Variants in POLN observed in about 807,000 individuals in gnomAD.
POLN encodes DNA polymerase N.
Under a neutral mutation model 113.5 loss-of-function variants are expected in POLN, and 108 were observed. That is an observed-to-expected ratio of 0.95 (90% confidence interval 0.81 to 1.12). The LOEUF (loss-of-function observed/expected upper bound fraction) is 1.12, where lower values mean the gene tolerates loss of function less well. Among genes scored for constraint, POLN ranks in the 50% most tolerant of loss-of-function variants. The probability of loss-of-function intolerance (pLI) is 0.00; values close to 1 mark genes in which losing one functional copy is unlikely to be tolerated. For missense variants in POLN, 1,097 were observed against 1,077.1 expected (o/e 1.02, Z -0.26); for synonymous variants, 386 against 391.5 (o/e 0.99, Z 0.17).
intron 4 of POLN, among the ~76,000 whole-genome samples, chr4:2,209,357 G>A (rs2108764609): frequency 6.6e-6 from 1 of 151,570 alleles, no homozygotes; most frequent in Middle Eastern, 3.4e-3. Flanking sequence ...GAGCATGCCT[G>A]TAATCCCAGC....
Position 2,073,148 on chromosome 4 carries a change from T to C in POLN, c.2456-119A>G, listed in dbSNP as rs1352057434. On this transcript the variant is annotated intron_variant, in intron 24 of 25. Transcript: ENST00000511885. Reference sequence around the variant, plus strand: ...CCGGCCCCTGAGCCCCCTTGTTTCCTGTGTCCACTCGGTCACCTGAACCAG... The same window carrying C: ...CCGGCCCCTGAGCCCCCTTGTTTCCCGTGTCCACTCGGTCACCTGAACCAG... The C allele has an allele frequency of 3.2e-5, 30 of 930,364 alleles. 1 individual carries two copies. The highest frequency in any genetic ancestry group is 4.6e-5 in the Non-Finnish European group (28 of 603,852). 57.6% of individuals were successfully genotyped at this position (930,364 alleles called of 1,614,324 possible).
rs770063265 is a variant in POLN, at chr4:2,075,451, C to T, written c.2455+1G>A. 3 of 1,613,358 alleles carry T rather than the reference C, an allele frequency of 1.9e-6. No homozygotes were observed. The highest frequency in any genetic ancestry group is 2.5e-6 in the Non-Finnish European group (3 of 1,179,986). On this transcript the variant is annotated splice_donor_variant, in intron 24 of 25. Coordinates refer to ENST00000511885, the MANE Select transcript of POLN (RefSeq NM_181808.4). LOFTEE classifies it high-confidence loss of function. ...AGCAACCCTGTGTTGCCCCAGGCTACCTGCACACTCCGGGATCTGCGGATC... is the reference window on the plus strand; with the variant it reads ...AGCAACCCTGTGTTGCCCCAGGCTATCTGCACACTCCGGGATCTGCGGATC...
At chr4:2,229,427 G>C (rs1030874347) in intron 2 of POLN, 184 bp from the exon 3 acceptor site, 21 of 470,248 alleles carry the variant, frequency 4.5e-5, no homozygotes, top group Non-Finnish European at 6.9e-5. Context: ...AAAATAGCTA[G>C]AGGCTTAATC....
intron 5 of POLN, among the ~76,000 whole-genome samples, chr4:2,201,286 A>AAC (rs1733705794): frequency 6.8e-6 from 1 of 147,686 alleles, no homozygotes; most frequent in Non-Finnish European, 1.5e-5. Context: ...CCAAAAAAAA[A>AAC]AAAAAAAAAA....
intron 19 of POLN, among the ~76,000 whole-genome samples, chr4:2,121,825 AT>A (rs777193922): frequency 7.6e-4 from 114 of 150,762 alleles, no homozygotes; most frequent in Non-Finnish European, 1.3e-3. Flanking sequence ...TTGTTTTCCT[AT>A]TGTCAATTTC....
chr4:2,207,332 GAGGAAAGGAAAGGAA>G (rs200338592), intron 5 of POLN, among the ~76,000 whole-genome samples: 1 of 151,016 alleles, frequency 6.6e-6, no homozygotes, highest in Non-Finnish European at 1.5e-5. Context: ...CAGGAAAGTA[GAGGAAAGGAAAGGAA>G]AGGAAAGGAA....
At chr4:2,222,362 G>A (rs554389304) in intron 3 of POLN, among the ~76,000 whole-genome samples, 1 of 152,004 alleles carries the variant, frequency 6.6e-6, no homozygotes, top group African/African-American at 2.4e-5. Context: ...GGGCAGCATG[G>A]TGAAACCCCA....
chr4:2,129,745 GT>G (rs894772305), intron 17 of POLN, among the ~76,000 whole-genome samples: 1 of 151,876 alleles, frequency 6.6e-6, no homozygotes, highest in Admixed American at 6.6e-5. Context: ...TAGGTTTTCT[GT>G]TTTTTTTAAT....
At chr4:2,084,214 T>C (rs1560973100) in intron 21 of POLN, among the ~76,000 whole-genome samples, 1 of 152,256 alleles carries the variant, frequency 6.6e-6, no homozygotes, top group East Asian at 1.9e-4. Flanking sequence ...ACTGGAATCA[T>C]TTTGAAGGAC....
At chr4:2,222,700 T>A (rs1734288911) in intron 3 of POLN, among the ~76,000 whole-genome samples, 1 of 147,698 alleles carries the variant, frequency 6.8e-6, no homozygotes, top group South Asian at 2.1e-4. Context: ...ACGGCCTTTT[T>A]TTTTTTTTTT....
intron 2 of POLN, chr4:2,240,125 A>C: frequency 1.2e-6 from 2 of 1,614,026 alleles, no homozygotes; most frequent in South Asian, 2.2e-5. Context: ...GAATTAACTG[A>C]TGTTGAGCAC....
Position 2,139,169 on chromosome 4 carries a change from G to A in POLN, c.1732-7879C>T, listed in dbSNP as rs537888929. 4.6e-5 allele frequency among the ~76,000 whole-genome samples: 7 copies of A among 152,296 alleles called. No homozygotes were observed. The South Asian group carries it at 1.5e-3, about 32-fold the overall frequency. On this transcript the variant is annotated intron_variant, in intron 16 of 25. Coordinates refer to ENST00000511885, the MANE Select transcript of POLN (RefSeq NM_181808.4). ...AGAGGGGAAGGGCAGAGCCACACTG[G>A]GTCACCAGCAGGGCAGAGTGGGGAG...
intron 16 of POLN, among the ~76,000 whole-genome samples, chr4:2,136,173 A>G (rs1473821086): frequency 1.3e-5 from 2 of 152,226 alleles, no homozygotes; most frequent in East Asian, 3.8e-4. Context: ...GAGCAGAGAG[A>G]GCACACAGTA....
rs751431781 is a variant in POLN at position 2,129,199 on chromosome 4, C to A, written c.1847G>T (p.Gly616Val). ...CGTACCTGCTGCTAGAAAGGTGTGGCCTTTGGATGAAACAAACATGGCCCT... is the reference window on the plus strand; with the variant it reads ...CGTACCTGCTGCTAGAAAGGTGTGGACTTTGGATGAAACAAACATGGCCCT... Reference protein sequence around the residue: ...SPRAMFVSSKGHTFLAADFSQ... With the variant: ...SPRAMFVSSKVHTFLAADFSQ... The change falls in exon 18 of 26, where the codon GGC (glycine) becomes GTC (valine). Residue 616 changes from glycine to valine, a missense_variant. By Grantham distance (109) the Gly-to-Val change is moderately radical. Coordinates refer to ENST00000511885, the MANE Select transcript of POLN (RefSeq NM_181808.4). The A allele has an allele frequency of 6.3e-7, 1 of 1,596,676 alleles. No individual in the cohort carries two copies. Among genetic ancestry groups the A allele is most frequent in the Non-Finnish European group, 8.6e-7 (1 of 1,164,460 alleles).
intron 5 of POLN, among the ~76,000 whole-genome samples, chr4:2,206,655 C>T (rs1733852557): frequency 6.6e-6 from 1 of 152,216 alleles, no homozygotes; most frequent in Non-Finnish European, 1.5e-5. Context: ...AAATGCTCAT[C>T]ATCACTAATG....
chr4:2,073,550 T>C (rs1345234624), intron 24 of POLN, among the ~76,000 whole-genome samples: 1 of 152,230 alleles, frequency 6.6e-6, no homozygotes, highest in Non-Finnish European at 1.5e-5. Context: ...ACAGGCAGGC[T>C]GACCCCGTTG....
Position 2,225,489 on chromosome 4 carries a change from G to A in POLN, c.133+3610C>T, listed in dbSNP as rs572372182. ...AGAATCCCTTGAACCCAGGAGGGGG[G>A]GTTGCAGTGAGCCGAGATCGCACCA... On this transcript the variant is annotated intron_variant, in intron 3 of 25. Transcript: ENST00000511885. 1.8e-4 allele frequency among the ~76,000 whole-genome samples: 27 copies of A among 151,492 alleles called. No homozygotes were observed. The South Asian group carries it at 3.8e-3, about 21-fold the overall frequency.
rs1025742653 is a variant in POLN, at chr4:2,242,053, C to T, written c.-286G>A. On this transcript the variant is annotated splice_region_variant and 5_prime_UTR_variant, in exon 1 of 26. Transcript: ENST00000511885. ...GAACCGAGGCCCGCGTCAGTCACCT[C>T]AGGAAGTTCCGCTTGCTTCTCGCAG... 6.1e-6 allele frequency: 6 copies of T among 985,750 alleles called. No individual in the cohort carries two copies. Among genetic ancestry groups the T allele is most frequent in the Non-Finnish European group, 7.2e-6 (6 of 830,148 alleles). 61.1% of individuals were successfully genotyped at this position (985,750 alleles called of 1,614,324 possible).
chr4:2,172,515 T>C (rs1050955165), intron 11 of POLN, among the ~76,000 whole-genome samples: 2 of 152,224 alleles, frequency 1.3e-5, no homozygotes, highest in Admixed American at 6.5e-5. Flanking sequence ...GTCTCCTGAA[T>C]TGCAGTTTCT....
Sources: gnomAD v4.1 joint callset for allele counts (sites outside exome capture counted in the v4.1 genomes callset) on GRCh38, gnomAD v4.1.1 for gene constraint, MANE v1.5 for transcripts, NCBI Gene and HGNC (gene_info 2026-07-23, HGNC 2026-07-21) for gene names.